RALYL: variants seen among roughly 807,000 people sequenced by gnomAD.
RALYL encodes RALY RNA binding protein like.
Under a neutral mutation model 35.1 loss-of-function variants are expected in RALYL, and 29 were observed. The ratio of observed to expected loss-of-function variants is 0.83; its 90% confidence interval spans 0.61 to 1.13. The LOEUF (loss-of-function observed/expected upper bound fraction) is 1.13. Ranked by LOEUF, RALYL falls within the 50% of genes most tolerant of loss-of-function variation. The probability of loss-of-function intolerance (pLI) is 0.00; values close to 1 mark genes in which losing one functional copy is unlikely to be tolerated. For missense variants in RALYL, 359 were observed against 360.4 expected (o/e 1.00, Z 0.03); for synonymous variants, 120 against 127.6 (o/e 0.94, Z 0.40).
In RALYL at chr8:84,720,930, C is replaced by A. The variant is rs556158338; in HGVS notation, c.257-53649C>A. On this transcript the variant is annotated intron_variant, in intron 2 of 8. Coordinates refer to ENST00000521268, the MANE Select transcript of RALYL (RefSeq NM_173848.7). Reference sequence around the variant, plus strand: ...ATCAGGGAAATGCAAATGAAAATCACAATGAGATATTATCTCACCCAGTTA... The same window carrying A: ...ATCAGGGAAATGCAAATGAAAATCAAAATGAGATATTATCTCACCCAGTTA... 4.6e-5 allele frequency among the ~76,000 whole-genome samples: 7 copies of A among 152,068 alleles called. No homozygotes were observed. In the South Asian group the frequency reaches 1.5e-3, roughly 32 times the overall value.
chr8:84,290,498 TG>T (rs992059986), intron 1 of RALYL, among the ~76,000 whole-genome samples: 1 of 127,694 alleles, frequency 7.8e-6, no homozygotes, highest in African/African-American at 3.1e-5. Flanking sequence ...CGGGCAGGAG[TG>T]GGGGGTCACA....
At chr8:84,252,859 G>T (rs983834417) in intron 1 of RALYL, among the ~76,000 whole-genome samples, 4 of 152,082 alleles carry the variant, frequency 2.6e-5, no homozygotes, top group African/African-American at 9.7e-5. Context: ...ATTTTTGAAT[G>T]TTGTGTCTGT....
At chr8:84,807,712 C>T (rs913369840) in intron 4 of RALYL, among the ~76,000 whole-genome samples, 1 of 152,156 alleles carries the variant, frequency 6.6e-6, no homozygotes, top group Non-Finnish European at 1.5e-5. Flanking sequence ...GCCATTTTTG[C>T]AGAAGTAAGC....
At chr8:84,232,206 A>G (rs1178851080) in intron 1 of RALYL, among the ~76,000 whole-genome samples, 3 of 152,170 alleles carry the variant, frequency 2.0e-5, no homozygotes, top group East Asian at 1.9e-4. Flanking sequence ...TCAGTAAATT[A>G]TACCAAAGAC....
At chr8:84,760,993 G>A (rs1158288735) in intron 2 of RALYL, among the ~76,000 whole-genome samples, 1 of 151,958 alleles carries the variant, frequency 6.6e-6, no homozygotes, top group African/African-American at 2.4e-5. Context: ...TTTAATCATA[G>A]AAAATATGTT....
chr8:84,493,696 T>G (rs1300178558), intron 1 of RALYL, among the ~76,000 whole-genome samples: 3 of 152,186 alleles, frequency 2.0e-5, no homozygotes. Context: ...GTTTTTCATA[T>G]GTTTGACCAC....
At chr8:84,215,832 T>C (rs1820675459) in intron 1 of RALYL, among the ~76,000 whole-genome samples, 1 of 152,202 alleles carries the variant, frequency 6.6e-6, no homozygotes, top group Non-Finnish European at 1.5e-5. Flanking sequence ...AAATAAATGA[T>C]ACTTTTTGAT....
chr8:84,224,261 C>T (rs1055549715), intron 1 of RALYL, among the ~76,000 whole-genome samples: 6 of 152,198 alleles, frequency 3.9e-5, no homozygotes, highest in African/African-American at 1.4e-4. Context: ...CCAAATGGCC[C>T]ATTTTCCACT....
At chr8:84,296,000 T>C (rs1372177999) in intron 1 of RALYL, among the ~76,000 whole-genome samples, 2 of 152,098 alleles carry the variant, frequency 1.3e-5, no homozygotes, top group African/African-American at 4.8e-5. Context: ...GTGAATAGTA[T>C]AATGTAGTAG....
intron 1 of RALYL, among the ~76,000 whole-genome samples, chr8:84,483,129 A>G (rs1473657448): frequency 6.6e-6 from 1 of 152,128 alleles, no homozygotes; most frequent in Non-Finnish European, 1.5e-5. Context: ...ATTCAATGAG[A>G]GCTAGCATTT....
At chr8:84,234,445 T>G (rs1255340085) in intron 1 of RALYL, among the ~76,000 whole-genome samples, 1 of 152,216 alleles carries the variant, frequency 6.6e-6, no homozygotes, top group Non-Finnish European at 1.5e-5. Flanking sequence ...GAGCTTAAAC[T>G]GATGACCAGG....
At chr8:84,463,118 A>T (rs990745070) in intron 1 of RALYL, among the ~76,000 whole-genome samples, 5 of 151,958 alleles carry the variant, frequency 3.3e-5, no homozygotes, top group Non-Finnish European at 5.9e-5. Context: ...TCTTTCTCAT[A>T]GTTTAGCAGT....
chr8:84,896,953 T>TA (rs1844856892), intron 8 of RALYL, among the ~76,000 whole-genome samples: 1 of 152,178 alleles, frequency 6.6e-6, no homozygotes, highest in Non-Finnish European at 1.5e-5. Context: ...TTTTCTAATA[T>TA]AATCATGTCC....
At chr8:84,805,658 C>T (rs1586414114) in intron 4 of RALYL, among the ~76,000 whole-genome samples, 1 of 152,256 alleles carries the variant, frequency 6.6e-6, no homozygotes, top group African/African-American at 2.4e-5. Flanking sequence ...CACTCCACTC[C>T]AGCCTGGGTG....
intron 2 of RALYL, among the ~76,000 whole-genome samples, chr8:84,593,517 C>T (rs1358834868): frequency 6.6e-6 from 1 of 152,078 alleles, no homozygotes; most frequent in Admixed American, 6.6e-5. Flanking sequence ...CATTTAACCT[C>T]TAACAGGGTA....
chr8:84,877,130 T>G (rs1284800489), intron 7 of RALYL, among the ~76,000 whole-genome samples: 1 of 152,186 alleles, frequency 6.6e-6, no homozygotes, highest in African/African-American at 2.4e-5. Flanking sequence ...CAGTTATCAC[T>G]CTTATGTTCT....
At chr8:84,862,253 C>A in intron 5 of RALYL, 43 bp from the exon 6 acceptor site, 1 of 1,406,114 alleles carries the variant, frequency 7.1e-7, no homozygotes, top group Non-Finnish European at 9.4e-7. Flanking sequence ...ATAGAACTCT[C>A]GGGCATCAAA....
chr8:84,584,431 C>A (rs967476446), intron 2 of RALYL, among the ~76,000 whole-genome samples: 1 of 152,002 alleles, frequency 6.6e-6, no homozygotes, highest in African/African-American at 2.4e-5. Flanking sequence ...GGTGAAACCC[C>A]ATCTCTACTA....
intron 1 of RALYL, among the ~76,000 whole-genome samples, chr8:84,396,495 GA>G (rs756383954): frequency 6.6e-6 from 1 of 151,978 alleles, no homozygotes; most frequent in Non-Finnish European, 1.5e-5. Context: ...AAACATTAAA[GA>G]ACCCTTGTTC....
Sources: allele counts gnomAD v4.1 joint callset (sites outside exome capture counted in the v4.1 genomes callset), GRCh38; gene constraint gnomAD v4.1.1; transcripts MANE v1.5; gene names NCBI Gene and HGNC (gene_info 2026-07-23, HGNC 2026-07-21).